The following LRRIQ3 variants were observed in gnomAD, a reference collection of about 807,000 sequenced individuals.
LRRIQ3 encodes the protein leucine rich repeats and IQ motif containing 3.
Under a neutral mutation model 59.3 loss-of-function variants are expected in LRRIQ3, and 75 were observed. The observed-to-expected ratio is 1.26, with a 90% CI of 1.05 to 1.53. The LOEUF (loss-of-function observed/expected upper bound fraction) is 1.53. LRRIQ3 is among the 40% of genes most tolerant of loss of function. LRRIQ3 has a pLI of 0.00. For synonymous variants in LRRIQ3, 250 were observed against 231.3 expected, an observed-to-expected ratio of 1.08 and a Z score of -0.73; for missense variants, 831 against 710.0, an observed-to-expected ratio of 1.17 and a Z score of -1.94.
rs754201846 is a variant in LRRIQ3 at position 74,155,837 on chromosome 1, A to T, written c.603T>A (p.Asn201Lys). 7 of 1,546,638 alleles carry T rather than the reference A, an allele frequency of 4.5e-6. No homozygotes were observed. The highest frequency in any genetic ancestry group is 6.1e-6 in the Non-Finnish European group (7 of 1,142,858). The change falls in exon 4 of 8, where the codon AAT becomes AAA. Residue 201 changes from asparagine (N) to lysine (K), a missense_variant. Physicochemically the swap from Asn to Lys is moderately conservative, Grantham distance 94. Coordinates refer to ENST00000354431, the MANE Select transcript of LRRIQ3 (RefSeq NM_001105659.2). ...KGTTYEEEIN[N>K]IKHITSKINA... ...TAATTTTTGAAGTAATATGTTTAAT[A>T]TTATTAATTTCCTCTTCATAGGTTG... is the stretch of plus-strand genomic sequence containing the variant.
chr1:74,041,751 T>C lies in LRRIQ3; in HGVS notation c.1180A>G (p.Ile394Val). 4 of 1,613,732 alleles carry C rather than the reference T, an allele frequency of 2.5e-6. No individual in the cohort carries two copies. The highest frequency in any genetic ancestry group is 3.4e-6 in the Non-Finnish European group (4 of 1,179,784). The change falls in exon 7 of 8, where the codon ATT (isoleucine) becomes GTT (valine). Residue 394 changes from isoleucine to valine, a missense_variant. Ile to Val is a conservative substitution (Grantham distance 29). Coordinates refer to ENST00000354431, the MANE Select transcript of LRRIQ3 (RefSeq NM_001105659.2). ...CGCTCCAATCGTATGTCTTTTTTAA[T>C]GATTGGCTTTGGATGAGTAGTATAG... is the stretch of plus-strand genomic sequence containing the variant. ...PIYTTHPKPI[I>V]KKDIRLERSM... is the part of the protein sequence containing the mutation.
chr1:74,088,562 C>A (rs1429795449), intron 5 of LRRIQ3, among the ~76,000 whole-genome samples: 1 of 151,800 alleles, frequency 6.6e-6, no homozygotes, highest in Admixed American at 6.6e-5. Flanking sequence ...CAAGATAATT[C>A]AATAGAGATA....
intron 6 of LRRIQ3, among the ~76,000 whole-genome samples, chr1:74,066,059 G>A (rs1283483591): frequency 6.6e-6 from 1 of 151,820 alleles, no homozygotes; most frequent in East Asian, 1.9e-4. Flanking sequence ...GCTGGTGCAT[G>A]CCTGTAATCC....
chr1:74,041,722 A>T lies in LRRIQ3; in HGVS notation c.1209T>A (p.Ser403Arg). 6.2e-7 allele frequency: 1 copy of T among 1,613,428 alleles called. No individual in the cohort carries two copies. Among genetic ancestry groups the T allele is most frequent in the Non-Finnish European group, 8.5e-7 (1 of 1,179,722 alleles). Reference sequence around the variant, plus strand: ...TTTGTGGTGCAAAAAACTCTTTCATACTCCGCTCCAATCGTATGTCTTTTT... The same window carrying T: ...TTTGTGGTGCAAAAAACTCTTTCATTCTCCGCTCCAATCGTATGTCTTTTT... ...IIKKDIRLER[S>R]MKEFFAPQRA... Residue 403 changes from serine (S) to arginine (R), a missense_variant, in exon 7 of 8, where the codon AGT becomes AGA. Ser to Arg is a moderately radical substitution (Grantham distance 110). Coordinates refer to ENST00000354431, the MANE Select transcript of LRRIQ3 (RefSeq NM_001105659.2).
chr1:74,130,613 T>C (rs746132067), intron 4 of LRRIQ3, among the ~76,000 whole-genome samples: 8 of 152,136 alleles, frequency 5.3e-5, no homozygotes, highest in African/African-American at 9.6e-5. Flanking sequence ...ATGTGATTTT[T>C]TTTGTGCCGA....
chr1:74,180,941 A>G, intron 3 of LRRIQ3: 2 of 699,416 alleles, frequency 2.9e-6, no homozygotes, highest in Non-Finnish European at 4.6e-6. Flanking sequence ...ACTAGCTGAC[A>G]TTTTATGGTT....
At chr1:74,167,419 A>C (rs1649055555) in intron 3 of LRRIQ3, among the ~76,000 whole-genome samples, 1 of 151,980 alleles carries the variant, frequency 6.6e-6, no homozygotes, top group South Asian at 2.1e-4. Flanking sequence ...ACTCAAAGGC[A>C]TAAGAAGGTG....
intron 1 of LRRIQ3, among the ~76,000 whole-genome samples, chr1:74,186,804 AAAATTGT>A (rs1650411727): frequency 6.6e-6 from 1 of 152,162 alleles, no homozygotes; most frequent in Admixed American, 6.5e-5. Flanking sequence ...TATTAGAAAA[AAAATTGT>A]AAGAATTAAG....
At chr1:74,160,644 T>C (rs1454868363) in intron 3 of LRRIQ3, among the ~76,000 whole-genome samples, 3 of 152,106 alleles carry the variant, frequency 2.0e-5, no homozygotes, top group Non-Finnish European at 4.4e-5. Flanking sequence ...GAAGCCACTC[T>C]GTCAAAGGTC....
At chr1:74,135,961 CT>C (rs1647116174) in intron 4 of LRRIQ3, among the ~76,000 whole-genome samples, 1 of 151,624 alleles carries the variant, frequency 6.6e-6, no homozygotes, top group South Asian at 2.1e-4. Flanking sequence ...ATCATTGATT[CT>C]TTGAAAATAT....
At chr1:74,183,197 C>A (rs967548978) in intron 2 of LRRIQ3, 14 of 335,018 alleles carry the variant, frequency 4.2e-5, no homozygotes, top group African/African-American at 3.0e-4. Flanking sequence ...CATTCTTAAT[C>A]CAGGCTATAG....
At chr1:74,172,016 T>C (rs971407989) in intron 3 of LRRIQ3, among the ~76,000 whole-genome samples, 5 of 152,130 alleles carry the variant, frequency 3.3e-5, no homozygotes, top group African/African-American at 9.6e-5. Flanking sequence ...TTCTGTGTTA[T>C]TATTGCTGAG....
chr1:74,100,680 A>C (rs908691167), intron 5 of LRRIQ3, among the ~76,000 whole-genome samples: 1 of 152,144 alleles, frequency 6.6e-6, no homozygotes, highest in Non-Finnish European at 1.5e-5. Flanking sequence ...ACAGTAACCA[A>C]AAACAGCATG....
chr1:74,109,347 T>C, intron 5 of LRRIQ3, 47 bp downstream of exon 5: 3 of 1,261,182 alleles, frequency 2.4e-6, no homozygotes, highest in Non-Finnish European at 3.3e-6. Flanking sequence ...ATAACTTTAA[T>C]ATCTTAAATA....
chr1:74,142,814 T>C (rs1553170313), intron 4 of LRRIQ3, among the ~76,000 whole-genome samples: 1 of 151,968 alleles, frequency 6.6e-6, no homozygotes, highest in Non-Finnish European at 1.5e-5. Context: ...CTGATGGATG[T>C]ACTATTCTTG....
At chr1:74,075,412 C>G (rs111512240) in intron 5 of LRRIQ3, among the ~76,000 whole-genome samples, 1 of 151,664 alleles carries the variant, frequency 6.6e-6, no homozygotes, top group African/African-American at 2.4e-5. Flanking sequence ...ACTAAAAATA[C>G]GAAAATTAGC....
At chr1:74,119,992 T>G (rs1416381346) in intron 4 of LRRIQ3, among the ~76,000 whole-genome samples, 2 of 152,132 alleles carry the variant, frequency 1.3e-5, no homozygotes, top group African/African-American at 2.4e-5. Flanking sequence ...AACATAAACT[T>G]AGAAAGGATG....
chr1:74,189,301 A>G (rs1482283899), intron 1 of LRRIQ3, among the ~76,000 whole-genome samples: 2 of 152,166 alleles, frequency 1.3e-5, no homozygotes, highest in Non-Finnish European at 2.9e-5. Flanking sequence ...GTTCAACTGA[A>G]GCGTCTCCTC....
At chr1:74,116,352 T>C (rs925557069) in intron 4 of LRRIQ3, among the ~76,000 whole-genome samples, 3 of 152,008 alleles carry the variant, frequency 2.0e-5, no homozygotes, top group African/African-American at 7.2e-5. Context: ...GGCTTGAAAT[T>C]TGAAGGCTAG....
Sources: allele counts gnomAD v4.1 joint callset (sites outside exome capture counted in the v4.1 genomes callset), GRCh38; gene constraint gnomAD v4.1.1; transcripts MANE v1.5; gene names NCBI Gene and HGNC (gene_info 2026-07-23, HGNC 2026-07-21).